CDKL3: variants seen among roughly 807,000 people sequenced by gnomAD.
CDKL3 encodes the protein cyclin dependent kinase like 3, also known as cyclin-dependent kinase-like 3.
A neutral mutation model predicts 69.3 loss-of-function variants in CDKL3; 65 were observed. The ratio of observed to expected loss-of-function variants is 0.94; its 90% CI spans 0.77 to 1.15. The LOEUF (loss-of-function observed/expected upper bound fraction) is 1.15. CDKL3 is among the 50% of genes most tolerant of loss of function. CDKL3 has a pLI of 0.00. For missense variants in CDKL3, 652 were observed against 689.2 expected (o/e 0.95, Z 0.61); for synonymous variants, 202 against 221.6 (o/e 0.91, Z 0.79).
chr5:134,321,258 T>C (rs1260669314), intron 5 of CDKL3, among the ~76,000 whole-genome samples: 3 of 152,082 alleles, frequency 2.0e-5, no homozygotes, highest in Non-Finnish European at 4.4e-5. Flanking sequence ...GTGCTCCGCC[T>C]GCCTTGGCCT....
At chr5:134,288,272 GA>G (rs770389515) in intron 8 of CDKL3, among the ~76,000 whole-genome samples, 1 of 152,212 alleles carries the variant, frequency 6.6e-6, no homozygotes, top group East Asian at 1.9e-4. Context: ...ATAAAAGTTG[GA>G]AAGTGTTGAG....
intron 4 of CDKL3, among the ~76,000 whole-genome samples, chr5:134,323,322 C>A (rs188225512): frequency 1.3e-4 from 20 of 152,212 alleles, no homozygotes; most frequent in Middle Eastern, 3.4e-3. Flanking sequence ...TAAATACATA[C>A]AATTTAATCT....
At chr5:134,364,538 G>A (rs73289882) in intron 2 of CDKL3, among the ~76,000 whole-genome samples, 20,430 of 151,384 alleles carry the variant, frequency 0.13, 1,629 homozygotes, top group African/African-American at 0.21. Flanking sequence ...TTTAGACAAG[G>A]TGTTGCTCTG....
rs183419558 is a variant in CDKL3, at chr5:134,317,372, G to C, written c.792+1986C>G. On this transcript the variant is annotated intron_variant, in intron 6 of 12. Transcript: ENST00000265334. Reference sequence around the variant, plus strand: ...GCTCGTCTTGAACTCCTGACCTCAGGTGATCCACCCACCTCAGGTGATCCA... The same window carrying C: ...GCTCGTCTTGAACTCCTGACCTCAGCTGATCCACCCACCTCAGGTGATCCA... 2.0e-3 allele frequency among the ~76,000 whole-genome samples: 304 copies of C among 152,156 alleles called. 6 individuals carry two copies. Among genetic ancestry groups the C allele is most frequent in the Admixed American group, 0.014 (212 of 15,280 alleles).
chr5:134,366,307 TC>T, intron 2 of CDKL3, 51 bp downstream of exon 2: 1 of 1,324,236 alleles, frequency 7.6e-7, no homozygotes, highest in East Asian at 2.5e-5. Context: ...AATTTTTTAT[TC>T]CATAACAATT....
intron 2 of CDKL3, 112 bp from the exon 3 acceptor site, chr5:134,360,203 C>A: frequency 1.3e-6 from 1 of 781,410 alleles, no homozygotes; most frequent in Non-Finnish European, 2.0e-6. Context: ...TTGTTCCATG[C>A]ATTTCTTTTT....
chr5:134,299,685 C>T (rs1332273999), intron 12 of CDKL3: 22 of 1,532,178 alleles, frequency 1.4e-5, no homozygotes, highest in Non-Finnish European at 1.9e-5. Context: ...GAATTTTCAG[C>T]TGCTGCATTT....
chr5:134,346,283 C>T (rs931449650), intron 4 of CDKL3, among the ~76,000 whole-genome samples: 5 of 152,162 alleles, frequency 3.3e-5, no homozygotes, highest in African/African-American at 1.2e-4. Flanking sequence ...GATCATACTC[C>T]TTTTGCCCAA....
chr5:134,308,371 CTCTT>C lies in CDKL3; in HGVS notation c.1127_1130del (p.Lys376SerfsTer25). ...CCTGTTGACCAAGTCCACCTTCATACTCTTTCTTTTTTGGTTCTGAGATATCTCC... is the reference window on the plus strand; with the variant it reads ...CCTGTTGACCAAGTCCACCTTCATACTCTTTTTTGGTTCTGAGATATCTCC... On this transcript the variant is annotated frameshift_variant, in exon 9 of 13. Transcript: ENST00000265334. LOFTEE classifies it high-confidence loss of function. 6.2e-7 allele frequency: 1 copy of C among 1,613,840 alleles called. No individual in the cohort carries two copies. Among genetic ancestry groups the C allele is most frequent in the Non-Finnish European group, 8.5e-7 (1 of 1,179,778 alleles).
chr5:134,336,001 T>C (rs1235801158), intron 4 of CDKL3, among the ~76,000 whole-genome samples: 1 of 152,250 alleles, frequency 6.6e-6, no homozygotes, highest in Non-Finnish European at 1.5e-5. Flanking sequence ...CCCATATTTC[T>C]TGGAGGCTTT....
intron 4 of CDKL3, among the ~76,000 whole-genome samples, chr5:134,330,251 A>C (rs1775449065): frequency 6.6e-6 from 1 of 152,126 alleles, no homozygotes; most frequent in South Asian, 2.1e-4. Context: ...TTAGGAAAAA[A>C]AAGAATGAGG....
chr5:134,314,032 C>T (rs1580892806), intron 6 of CDKL3, among the ~76,000 whole-genome samples: 2 of 152,004 alleles, frequency 1.3e-5, no homozygotes, highest in East Asian at 3.9e-4. Context: ...GTAATCCCAG[C>T]CACTCGGAGG....
At chr5:134,293,051 A>G (rs1468316300) in intron 8 of CDKL3, among the ~76,000 whole-genome samples, 2 of 60,090 alleles carry the variant, frequency 3.3e-5, no homozygotes, top group Admixed American at 2.2e-4. Context: ...ACGGAGTTTC[A>G]CTCTTTTTGC....
chr5:134,332,202 C>A (rs1775962935), intron 4 of CDKL3, among the ~76,000 whole-genome samples: 2 of 152,080 alleles, frequency 1.3e-5, no homozygotes, highest in African/African-American at 4.8e-5. Flanking sequence ...AGCCCTTTGT[C>A]AGATAGATAG....
chr5:134,294,550 A>C (rs576456733), downstream of CDKL3, among the ~76,000 whole-genome samples: 3 of 152,288 alleles, frequency 2.0e-5, no homozygotes, highest in South Asian at 4.2e-4. Flanking sequence ...GGAAAAGAAG[A>C]AGCGAAACTA....
chr5:134,333,596 T>C (rs1776322851), intron 4 of CDKL3, among the ~76,000 whole-genome samples: 1 of 152,196 alleles, frequency 6.6e-6, no homozygotes, highest in Admixed American at 6.5e-5. Flanking sequence ...ATTGGTTCTG[T>C]TTATGTGATG....
chr5:134,363,457 C>CTTT (rs869177235), intron 2 of CDKL3, among the ~76,000 whole-genome samples: 13 of 105,454 alleles, frequency 1.2e-4, no homozygotes, highest in East Asian at 2.6e-4. Flanking sequence ...CCATGGCCGG[C>CTTT]TTTTTTTTTT....
intron 7 of CDKL3, among the ~76,000 whole-genome samples, chr5:134,309,270 C>T (rs183944892): frequency 3.3e-5 from 5 of 152,122 alleles, no homozygotes; most frequent in East Asian, 1.9e-4. Context: ...TTAGTAGAGA[C>T]GCGGTTTCTC....
intron 12 of CDKL3, chr5:134,299,519 T>C (rs1765799014): frequency 1.7e-6 from 2 of 1,195,668 alleles, no homozygotes; most frequent in East Asian, 2.9e-5. Flanking sequence ...ATGAATAATT[T>C]AAAGATTAAT....
Sources: allele counts gnomAD v4.1 joint callset (sites outside exome capture counted in the v4.1 genomes callset), GRCh38; gene constraint gnomAD v4.1.1; transcripts MANE v1.5; gene names NCBI Gene and HGNC (gene_info 2026-07-23, HGNC 2026-07-21).